Variants in GLYR1 observed in about 807,000 individuals in gnomAD.
GLYR1 encodes the protein cytokine-like nuclear factor N-PAC.
A neutral mutation model predicts 72.7 loss-of-function variants in GLYR1; 21 were observed. That is an observed-to-expected ratio of 0.29 (90% CI 0.20 to 0.42). The LOEUF is 0.42. Among genes scored for constraint, GLYR1 ranks in the 10% least tolerant of loss-of-function variants. The pLI is 1.00. For synonymous variants in GLYR1, 392 were observed against 270.2 expected, an observed-to-expected ratio of 1.45 and a Z score of -4.42; for missense variants, 594 against 712.1, an observed-to-expected ratio of 0.83 and a Z score of 1.89.
At chr16:4,832,282 T>A (rs1596376294) in intron 4 of GLYR1, 61 bp from the exon 5 acceptor site, 6 of 1,592,770 alleles carry the variant, frequency 3.8e-6, no homozygotes, top group Non-Finnish European at 5.1e-6. Flanking sequence ...ATCGCCACCA[T>A]CATTTACAGG....
intron 15 of GLYR1, among the ~76,000 whole-genome samples, chr16:4,808,165 G>C (rs1246660525): frequency 6.6e-6 from 1 of 151,412 alleles, no homozygotes; most frequent in African/African-American, 2.4e-5. Context: ...TAACCCAAGA[G>C]GTGGGGGCTG....
intron 5 of GLYR1, among the ~76,000 whole-genome samples, chr16:4,827,668 A>G (rs932040142): frequency 2.0e-5 from 3 of 152,108 alleles, no homozygotes; most frequent in African/African-American, 7.2e-5. Context: ...TGGGAGGCCG[A>G]GGCAGGTGGA....
rs1166076818 is a variant in GLYR1, at chr16:4,804,007, T to C, written c.*1229A>G. The C allele has an allele frequency of 1.3e-5, 2 of 151,726 alleles. No homozygotes were observed. Among genetic ancestry groups the C allele is most frequent in the Admixed American group, 6.6e-5 (1 of 15,224 alleles). 9.4% of individuals were successfully genotyped at this position (151,726 alleles called of 1,614,324 possible). The stretch of plus-strand genomic sequence containing the variant: ...ACCTCGGAGGGCCAGTCAGTTCAGG[T>C]AGGTCAGGCCCAGTTCTCTTCCCTC... On this transcript the variant is annotated 3_prime_UTR_variant, in exon 16 of 16. Transcript: ENST00000321919.
At chr16:4,805,366 G>A (rs968308125) in intron 15 of GLYR1, 56 bp from the exon 16 acceptor site, 56 of 1,458,548 alleles carry the variant, frequency 3.8e-5, no homozygotes, top group Non-Finnish European at 4.9e-5. Flanking sequence ...TCAAGACCTA[G>A]ACCTGATTCC....
chr16:4,821,629 G>A (rs377724906), intron 7 of GLYR1, 32 bp from the exon 8 acceptor site: 4 of 1,596,680 alleles, frequency 2.5e-6, no homozygotes, highest in Non-Finnish European at 3.4e-6. Flanking sequence ...GACTACTTGT[G>A]CTACTGCAGG....
chr16:4,812,050 C>T (rs1381274351), intron 13 of GLYR1, 36 bp downstream of exon 13: 1 of 1,595,338 alleles, frequency 6.3e-7, no homozygotes, highest in Non-Finnish European at 8.5e-7. Context: ...GAGATGTGGC[C>T]CCAGGCTCCA....
chr16:4,808,235 C>CA (rs57992836), intron 15 of GLYR1, among the ~76,000 whole-genome samples: 21,679 of 81,110 alleles, frequency 0.27, 2,990 homozygotes, highest in African/African-American at 0.43. Flanking sequence ...GACTCTGTCT[C>CA]AAAAAAAAAA....
intron 10 of GLYR1, among the ~76,000 whole-genome samples, chr16:4,815,771 A>C (rs563764806): frequency 2.6e-4 from 40 of 152,278 alleles, no homozygotes; most frequent in African/African-American, 9.6e-4. Flanking sequence ...TTAACCAGTC[A>C]AAAAAGGCAA....
At chr16:4,835,250 G>A (rs549287691) in intron 3 of GLYR1, among the ~76,000 whole-genome samples, 2 of 152,264 alleles carry the variant, frequency 1.3e-5, no homozygotes, top group African/African-American at 4.8e-5. Flanking sequence ...TGAGGGAACA[G>A]AAAGGTGAGG....
At chr16:4,831,732 G>A (rs1364337412) in intron 5 of GLYR1, among the ~76,000 whole-genome samples, 1 of 152,164 alleles carries the variant, frequency 6.6e-6, no homozygotes, top group African/African-American at 2.4e-5. Context: ...GAATGCAGTG[G>A]TGCAATCGGC....
At chr16:4,820,611 A>G (rs180723437) in intron 9 of GLYR1, among the ~76,000 whole-genome samples, 326 of 152,324 alleles carry the variant, frequency 2.1e-3, no homozygotes, top group African/African-American at 7.5e-3. Context: ...TGGTAGCATT[A>G]GTGATTTAAA....
chr16:4,818,923 C>T (rs1473151164), intron 9 of GLYR1, among the ~76,000 whole-genome samples: 2 of 152,150 alleles, frequency 1.3e-5, no homozygotes, highest in East Asian at 3.9e-4. Context: ...CAGAAGCACT[C>T]ATTGGCCAGT....
chr16:4,807,107 CTTT>C (rs765039360), intron 15 of GLYR1, among the ~76,000 whole-genome samples: 19 of 110,882 alleles, frequency 1.7e-4, no homozygotes, highest in Admixed American at 4.8e-4. Context: ...CGCCTGGCCC[CTTT>C]TTTTTTTTTT....
intron 2 of GLYR1, 141 bp downstream of exon 2, chr16:4,846,033 T>C (rs2086013885): frequency 9.6e-6 from 8 of 830,264 alleles, no homozygotes; most frequent in Non-Finnish European, 1.5e-5. Context: ...AAATAACCGA[T>C]ACTAGGGGAA....
At chr16:4,841,243 C>T (rs1279163300) in intron 3 of GLYR1, among the ~76,000 whole-genome samples, 1 of 151,972 alleles carries the variant, frequency 6.6e-6, no homozygotes, top group Non-Finnish European at 1.5e-5. Context: ...CTGAAATTAA[C>T]TCAACTCCAA....
chr16:4,834,338 T>C (rs1453166701), intron 3 of GLYR1, among the ~76,000 whole-genome samples: 4 of 150,368 alleles, frequency 2.7e-5, no homozygotes, highest in Non-Finnish European at 5.9e-5. Context: ...TTCACTCTTG[T>C]TGCCCAGGCT....
intron 5 of GLYR1, among the ~76,000 whole-genome samples, chr16:4,827,608 C>T (rs9921209): frequency 1.3e-5 from 2 of 150,596 alleles, no homozygotes; most frequent in African/African-American, 4.9e-5. Context: ...AACAAACAAA[C>T]AAAAAAAACG....
At chr16:4,822,396 A>C (rs2084091904) in intron 7 of GLYR1, among the ~76,000 whole-genome samples, 1 of 145,558 alleles carries the variant, frequency 6.9e-6, no homozygotes, top group South Asian at 2.2e-4. Context: ...CTTTGGGTTT[A>C]TTTATCTTTT....
intron 9 of GLYR1, among the ~76,000 whole-genome samples, chr16:4,818,098 G>A (rs1047788983): frequency 5.9e-5 from 9 of 151,736 alleles, no homozygotes; most frequent in Admixed American, 4.6e-4. Context: ...GGGTTCAAGC[G>A]ATTCTCCTGC....
Sources: gnomAD v4.1 joint callset for allele counts (sites outside exome capture counted in the v4.1 genomes callset) on GRCh38, gnomAD v4.1.1 for gene constraint, MANE v1.5 for transcripts, NCBI Gene and HGNC (gene_info 2026-07-23, HGNC 2026-07-21) for gene names.